N4BP2L1: variants seen among roughly 807,000 people sequenced by gnomAD.
N4BP2L1 encodes the protein NEDD4-binding protein 2-like 1.
In N4BP2L1, 12 loss-of-function variants were observed where a neutral mutation model predicts 21.2. That is an observed-to-expected ratio of 0.57 (90% confidence interval 0.36 to 0.92). The LOEUF (loss-of-function observed/expected upper bound fraction) is 0.92. Among genes scored for constraint, N4BP2L1 ranks in the 40% least tolerant of loss-of-function variants. The pLI is 0.01. For missense variants in N4BP2L1, 259 were observed against 310.6 expected (o/e 0.83, Z 1.25); for synonymous variants, 104 against 112.8 (o/e 0.92, Z 0.49).
intron 1 of N4BP2L1, chr13:32,425,208 C>T (rs1478708265): frequency 6.6e-6 from 1 of 152,186 alleles, no homozygotes; most frequent in African/African-American, 2.4e-5. Context: ...CCCCACCCTA[C>T]CTCCCAAAAA....
chr13:32,404,074 T>A, intron 4 of N4BP2L1: 1 of 1,284,100 alleles, frequency 7.8e-7, no homozygotes, highest in Non-Finnish European at 1.1e-6. Flanking sequence ...TTTAGCAGAA[T>A]GTTAAATGCA....
chr13:32,407,537 TG>T, intron 2 of N4BP2L1, 107 bp downstream of exon 2: 1 of 1,598,934 alleles, frequency 6.3e-7, no homozygotes, highest in Non-Finnish European at 8.5e-7. Context: ...GGGGAAAAAT[TG>T]GCAGAACTTT....
chr13:32,424,321 C>T (rs761333213), intron 1 of N4BP2L1, among the ~76,000 whole-genome samples: 1 of 152,218 alleles, frequency 6.6e-6, no homozygotes, highest in Non-Finnish European at 1.5e-5. Flanking sequence ...TTCCCATCTT[C>T]AAGGCCAGCT....
chr13:32,425,885 C>T (rs2074733924), intron 1 of N4BP2L1: 1 of 152,144 alleles, frequency 6.6e-6, no homozygotes, highest in African/African-American at 2.4e-5. Context: ...AAGTCGCCAG[C>T]TAGTAAGTGA....
intron 1 of N4BP2L1, among the ~76,000 whole-genome samples, chr13:32,417,667 A>C (rs899005938): frequency 3.9e-5 from 6 of 152,174 alleles, no homozygotes; most frequent in Non-Finnish European, 5.9e-5. Flanking sequence ...GACTGGAACT[A>C]ATGGAAGGGC....
intron 1 of N4BP2L1, among the ~76,000 whole-genome samples, chr13:32,426,663 A>C (rs1160333123): frequency 1.3e-5 from 2 of 152,166 alleles, no homozygotes; most frequent in African/African-American, 4.8e-5. Context: ...ATTCTTCGGC[A>C]GTTCCTTGGT....
chr13:32,412,963 G>A (rs1465264520), intron 1 of N4BP2L1, among the ~76,000 whole-genome samples: 3 of 152,042 alleles, frequency 2.0e-5, no homozygotes, highest in South Asian at 2.1e-4. Flanking sequence ...CCACTCTGTC[G>A]CCCAGGCTGG....
At position 32,410,392 on chromosome 13, in the gene N4BP2L1, A is replaced by G. The variant is rs533466418; in HGVS notation, c.180-2620T>C. 6.7e-4 allele frequency among the ~76,000 whole-genome samples: 102 copies of G among 152,362 alleles called. 1 individual carries two copies. The South Asian group carries it at 0.02, about 30-fold the overall frequency. On this transcript the variant is annotated intron_variant, in intron 1 of 4. Coordinates refer to ENST00000380130, the MANE Select transcript of N4BP2L1 (RefSeq NM_052818.3). Reference sequence around the variant, plus strand: ...CACATTCTTTTGGTCAAAGCGAGTCACTTTGCTGGCCCACATTGAAGGGCG... The same window carrying G: ...CACATTCTTTTGGTCAAAGCGAGTCGCTTTGCTGGCCCACATTGAAGGGCG...
At chr13:32,403,911 A>T in intron 4 of N4BP2L1, 1 of 507,496 alleles carries the variant, frequency 2.0e-6, no homozygotes, top group South Asian at 2.1e-5. Flanking sequence ...TTGAACATTT[A>T]TTGCTTTATA....
intron 1 of N4BP2L1, chr13:32,420,702 TA>T (rs1259999206): frequency 3.3e-5 from 5 of 152,296 alleles, no homozygotes; most frequent in Admixed American, 1.3e-4. Flanking sequence ...TTATTTATTT[TA>T]TTTTTTTTAG....
chr13:32,416,203 T>C (rs2074130532), intron 1 of N4BP2L1, among the ~76,000 whole-genome samples: 1 of 152,246 alleles, frequency 6.6e-6, no homozygotes, highest in Admixed American at 6.5e-5. Context: ...TATTAAGTGC[T>C]TATTGTGTGC....
At chr13:32,414,546 A>G (rs1466937447) in intron 1 of N4BP2L1, among the ~76,000 whole-genome samples, 1 of 152,066 alleles carries the variant, frequency 6.6e-6, no homozygotes, top group Admixed American at 6.5e-5. Context: ...TAATCTCTAA[A>G]AGTCTAAATT....
In N4BP2L1 at chr13:32,406,615, G is replaced by A. The variant is rs150229504; in HGVS notation, c.396+635C>T. On this transcript the variant is annotated intron_variant, in intron 3 of 4. Coordinates refer to ENST00000380130, the MANE Select transcript of N4BP2L1 (RefSeq NM_052818.3). ...CTCCCAAGTAGCTAGGATTACAGGC[G>A]CCCGCCACCATGCCCCGGCTATTTT... 5.4e-3 allele frequency: 829 copies of A among 152,232 alleles called. 9 individuals are homozygous for A. The highest frequency in any genetic ancestry group is 0.019 in the African/African-American group (789 of 41,362). 9.4% of individuals were successfully genotyped at this position (152,232 alleles called of 1,614,324 possible). A position where few individuals can be genotyped will look rare whatever the true frequency, so the allele number is the denominator to read the frequency against.
intron 1 of N4BP2L1, chr13:32,411,925 C>G (rs986125323): frequency 9.3e-6 from 2 of 215,654 alleles, no homozygotes; most frequent in African/African-American, 4.7e-5. Context: ...GAATAATATA[C>G]TCGATCCTCA....
intron 3 of N4BP2L1, 37 bp from the exon 4 acceptor site, chr13:32,404,434 AGTAT>A: frequency 7.0e-7 from 1 of 1,427,052 alleles, no homozygotes; most frequent in Non-Finnish European, 9.8e-7. Flanking sequence ...TTGAAGACAT[AGTAT>A]GTATGTTTGG....
intron 3 of N4BP2L1, among the ~76,000 whole-genome samples, chr13:32,406,126 G>T (rs1040508517): frequency 6.6e-6 from 1 of 151,094 alleles, no homozygotes; most frequent in Non-Finnish European, 1.5e-5. Context: ...AGTCAGGATG[G>T]TCTCAATCTC....
intron 1 of N4BP2L1, among the ~76,000 whole-genome samples, chr13:32,427,357 C>T (rs2074836252): frequency 6.6e-6 from 1 of 152,254 alleles, no homozygotes; most frequent in African/African-American, 2.4e-5. Flanking sequence ...CGGGCCCCCA[C>T]CCCCGGACCC....
At chr13:32,407,100 C>A in intron 3 of N4BP2L1, 150 bp downstream of exon 3, 1 of 736,890 alleles carries the variant, frequency 1.4e-6, no homozygotes, top group Non-Finnish European at 2.2e-6. Context: ...CAGAGAAACA[C>A]TAAAATAAAA....
rs753192162 is a variant in N4BP2L1 at position 32,428,107 on chromosome 13, C to T, written c.-25G>A. 3.5e-6 allele frequency: 5 copies of T among 1,428,568 alleles called. No homozygotes were observed. The highest frequency in any genetic ancestry group is 2.7e-5 in the East Asian group (1 of 36,436). The allele number at this position is 1,428,568 out of a possible 1,614,324, so 88.5% of individuals were successfully genotyped here. ...TGGGCAGGAGGGCTGGCTGCGAGAG[C>T]CCCGGGTTCCCTTTACTGAAGTCAC... On this transcript the variant is annotated 5_prime_UTR_variant, in exon 1 of 5. Coordinates refer to ENST00000380130, the MANE Select transcript of N4BP2L1 (RefSeq NM_052818.3).
Sources: allele counts gnomAD v4.1 joint callset (sites outside exome capture counted in the v4.1 genomes callset), GRCh38; gene constraint gnomAD v4.1.1; transcripts MANE v1.5; gene names NCBI Gene and HGNC (gene_info 2026-07-23, HGNC 2026-07-21).